Variants in LRBA observed in about 807,000 individuals in gnomAD.
The protein encoded by LRBA is LPS responsive beige-like anchor protein.
Under a neutral mutation model 330.0 loss-of-function variants are expected in LRBA, and 176 were observed. The observed-to-expected ratio is 0.53, with a 90% CI of 0.47 to 0.60. The LOEUF is 0.60. LRBA is among the 20% of genes least tolerant of loss of function. The pLI is 0.00. For synonymous variants in LRBA, 1,230 were observed against 1,193.0 expected (o/e 1.03, Z -0.64); for missense variants, 3,259 against 3,444.8 (o/e 0.95, Z 1.35).
intron 40 of LRBA, among the ~76,000 whole-genome samples, chr4:150,498,135 A>G (rs926964471): frequency 6.6e-6 from 1 of 152,198 alleles, no homozygotes; most frequent in Non-Finnish European, 1.5e-5. Context: ...GTTGCTTTAG[A>G]TGGGTAAAAC....
At chr4:150,546,235 T>A (rs764385003) in intron 40 of LRBA, among the ~76,000 whole-genome samples, 3 of 152,228 alleles carry the variant, frequency 2.0e-5, no homozygotes, top group Non-Finnish European at 4.4e-5. Flanking sequence ...TTTAGCTTCT[T>A]TGTGTACAAC....
intron 44 of LRBA, among the ~76,000 whole-genome samples, chr4:150,439,665 C>A (rs1751565726): frequency 6.6e-6 from 1 of 152,130 alleles, no homozygotes; most frequent in Non-Finnish European, 1.5e-5. Flanking sequence ...TGCTTTGCTG[C>A]AGTTGGAAGG....
intron 2 of LRBA, among the ~76,000 whole-genome samples, chr4:151,004,758 G>A (rs572647100): frequency 1.3e-5 from 2 of 152,118 alleles, no homozygotes; most frequent in African/African-American, 2.4e-5. Context: ...GGCCGAGGCA[G>A]GTGGATTGCC....
At chr4:150,507,799 G>A (rs1308869964) in intron 40 of LRBA, among the ~76,000 whole-genome samples, 1 of 152,032 alleles carries the variant, frequency 6.6e-6, no homozygotes, top group East Asian at 1.9e-4. Context: ...GCAACCTACA[G>A]AATGGGAGAA....
At chr4:150,591,042 C>T (rs2126460511) in intron 38 of LRBA, among the ~76,000 whole-genome samples, 183 bp from the exon 39 acceptor site, 1 of 152,262 alleles carries the variant, frequency 6.6e-6, no homozygotes, top group Non-Finnish European at 1.5e-5. Context: ...GATCCCCCAA[C>T]CTAGTCTAAT....
chr4:150,852,132 T>C lies in LRBA; in HGVS notation c.3578A>G (p.Glu1193Gly). The change falls in exon 23 of 57, where the codon GAA becomes GGA. Residue 1193 changes from glutamate to glycine, a missense_variant. By Grantham distance (98) the Glu-to-Gly change is moderately conservative. Transcript: ENST00000651943. ...TACAGCTATTTGGGAAACAGTAGTTTCTGGTGACATAGCTGAAGACCCTGA... is the reference window on the plus strand; with the variant it reads ...TACAGCTATTTGGGAAACAGTAGTTCCTGGTGACATAGCTGAAGACCCTGA... ...TASGSSAMSP[E>G]TTVSQIAVES... 5.6e-6 allele frequency: 9 copies of C among 1,614,148 alleles called. No homozygotes were observed. The highest frequency in any genetic ancestry group is 7.6e-6 in the Non-Finnish European group (9 of 1,179,978).
intron 35 of LRBA, among the ~76,000 whole-genome samples, chr4:150,740,111 A>T (rs959098429): frequency 6.6e-6 from 1 of 152,250 alleles, no homozygotes; most frequent in Non-Finnish European, 1.5e-5. Context: ...GCACACATAA[A>T]AGAATACATC....
rs149919062 is a variant in LRBA, at chr4:150,852,701, A to T, written c.3009T>A (p.Ser1003=). Residue 1003 remains serine, a synonymous_variant, in exon 23 of 57, where the codon TCT becomes TCA. Coordinates refer to ENST00000651943, the MANE Select transcript of LRBA (RefSeq NM_001364905.1). ...TAGTTTGCAGTTCAATATTAGATGC[A>T]GATTCTAGTGAACTTGTCTTCTCTA... is the stretch of plus-strand genomic sequence containing the variant. The part of the protein sequence containing the change: ...SSIEKTSSLE[S]ASNIELQTTN... 6.4e-4 allele frequency: 1,033 copies of T among 1,614,032 alleles called. No homozygotes were observed. The highest frequency in any genetic ancestry group is 8.5e-4 in the Non-Finnish European group (1,001 of 1,179,934).
intron 53 of LRBA, among the ~76,000 whole-genome samples, chr4:150,296,965 C>T (rs970438017): frequency 1.4e-5 from 2 of 143,150 alleles, no homozygotes; most frequent in Non-Finnish European, 3.0e-5. Context: ...AAGAATCCTA[C>T]GTTTAGTTGA....
chr4:150,402,266 A>G lies in LRBA; in HGVS notation c.7194+13172T>C, dbSNP rs139667508. The stretch of plus-strand genomic sequence containing the variant: ...CACTTTCAGGGTGGTACAGCAGTAG[A>G]CCAAAAAAAAAAAAGAACTTATTTT... On this transcript the variant is annotated intron_variant, in intron 47 of 56. Coordinates refer to ENST00000651943, the MANE Select transcript of LRBA (RefSeq NM_001364905.1). 9.4e-3 allele frequency among the ~76,000 whole-genome samples: 1,332 copies of G among 141,388 alleles called. 20 individuals carry two copies. Among genetic ancestry groups the G allele is most frequent in the African/African-American group, 0.031 (1,260 of 40,926 alleles). 92.8% of individuals were successfully genotyped at this position (141,388 alleles called of 152,430 possible).
intron 5 of LRBA, among the ~76,000 whole-genome samples, chr4:150,918,073 T>C (rs529830244): frequency 9.8e-5 from 15 of 152,324 alleles, no homozygotes; most frequent in Non-Finnish European, 2.2e-4. Flanking sequence ...CTTCTTATTA[T>C]GTCACCAAAA....
intron 37 of LRBA, among the ~76,000 whole-genome samples, chr4:150,610,212 G>C (rs1775096402): frequency 6.6e-6 from 1 of 152,158 alleles, no homozygotes; most frequent in African/African-American, 2.4e-5. Flanking sequence ...GGAAACCATT[G>C]AGGTAGCATC....
intron 37 of LRBA, among the ~76,000 whole-genome samples, chr4:150,628,075 G>A (rs1228695273): frequency 6.6e-6 from 1 of 151,996 alleles, no homozygotes; most frequent in African/African-American, 2.4e-5. Context: ...TAAATCAAAA[G>A]TATTCTTCTT....
At chr4:150,525,068 A>C (rs1581579668) in intron 40 of LRBA, among the ~76,000 whole-genome samples, 1 of 152,166 alleles carries the variant, frequency 6.6e-6, no homozygotes, top group Admixed American at 6.5e-5. Flanking sequence ...GTCTAATTCT[A>C]CTAAGAGCAA....
intron 38 of LRBA, among the ~76,000 whole-genome samples, chr4:150,595,464 C>A (rs1320746460): frequency 6.6e-6 from 1 of 151,904 alleles, no homozygotes; most frequent in Admixed American, 6.6e-5. Flanking sequence ...CATATGCTTA[C>A]AAGATACTTT....
intron 54 of LRBA, among the ~76,000 whole-genome samples, chr4:150,283,541 C>T (rs11944163): frequency 0.51 from 76,784 of 152,038 alleles, 20,378 homozygotes; most frequent in South Asian, 0.59. Context: ...CACATGGAAT[C>T]GTTGCCTTTT....
chr4:150,862,450 G>C (rs951044430), intron 22 of LRBA, among the ~76,000 whole-genome samples: 3 of 152,036 alleles, frequency 2.0e-5, no homozygotes, highest in South Asian at 2.1e-4. Flanking sequence ...AACACTGCAT[G>C]TTCTCACTCA....
Position 150,267,306 on chromosome 4 carries a change from C to CTT in LRBA, c.8469-1496_8469-1495dup, listed in dbSNP as rs374610260. Among the ~76,000 whole-genome samples, 1,010 of 152,214 alleles carry CTT rather than the reference C, an allele frequency of 6.6e-3. 9 individuals carry two copies. The highest frequency in any genetic ancestry group is 0.023 in the African/African-American group (961 of 41,516). On this transcript the variant is annotated intron_variant, in intron 56 of 56. Transcript: ENST00000651943. ...TATGTTAGGCCACAAGTGTTAATGA[C>CTT]TTAGTAAAGATTAAAATCACAAAGT...
intron 2 of LRBA, among the ~76,000 whole-genome samples, chr4:150,931,600 C>CAA (rs367728964): frequency 1.6e-4 from 16 of 98,530 alleles, no homozygotes; most frequent in African/African-American, 3.9e-4. Context: ...TCTCCATATT[C>CAA]AAAAAAAAAA....
Sources: allele counts gnomAD v4.1 joint callset (sites outside exome capture counted in the v4.1 genomes callset), GRCh38; gene constraint gnomAD v4.1.1; transcripts MANE v1.5; gene names NCBI Gene and HGNC (gene_info 2026-07-23, HGNC 2026-07-21).